The following NPAS3 variants were observed in gnomAD, a reference collection of about 807,000 sequenced individuals.
The protein encoded by NPAS3 is neuronal PAS domain protein 3.
Under a neutral mutation model 73.1 loss-of-function variants are expected in NPAS3, and 14 were observed. The ratio of observed to expected loss-of-function variants is 0.19; its 90% confidence interval spans 0.13 to 0.30. The LOEUF (loss-of-function observed/expected upper bound fraction) is 0.30, where lower values mean the gene tolerates loss of function less well. NPAS3 is among the 10% of genes least tolerant of loss of function. The probability of loss-of-function intolerance (pLI) is 1.00; values close to 1 mark genes in which losing one functional copy is unlikely to be tolerated. For missense variants in NPAS3, 1,096 were observed against 1,250.0 expected, an observed-to-expected ratio of 0.88 and a Z score of 1.86; for synonymous variants, 620 against 541.5, an observed-to-expected ratio of 1.14 and a Z score of -2.01.
intron 6 of NPAS3, chr14:33,680,828 A>T: frequency 1.8e-6 from 1 of 570,306 alleles, no homozygotes; most frequent in Non-Finnish European, 3.1e-6. Context: ...CTACAGCTGC[A>T]TGGCTAACCC....
At chr14:32,970,390 C>G (rs1318435949) in intron 1 of NPAS3, among the ~76,000 whole-genome samples, 2 of 152,094 alleles carry the variant, frequency 1.3e-5, no homozygotes, top group Non-Finnish European at 1.5e-5. Flanking sequence ...TTGCACAGTT[C>G]CATGGTTTTC....
intron 7 of NPAS3, among the ~76,000 whole-genome samples, chr14:33,751,804 G>A (rs1286775457): frequency 2.6e-5 from 4 of 152,150 alleles, no homozygotes; most frequent in African/African-American, 4.8e-5. Flanking sequence ...AGTGTTGTCT[G>A]AGTACCCAAT....
chr14:33,373,786 A>G (rs2046198930), intron 4 of NPAS3, among the ~76,000 whole-genome samples: 1 of 152,126 alleles, frequency 6.6e-6, no homozygotes, highest in African/African-American at 2.4e-5. Context: ...AGAACATTCA[A>G]ACCCAAACCT....
At chr14:33,007,967 ATTAAC>A (rs1212023326) in intron 1 of NPAS3, among the ~76,000 whole-genome samples, 1 of 152,252 alleles carries the variant, frequency 6.6e-6, no homozygotes, top group Non-Finnish European at 1.5e-5. Flanking sequence ...TAAATTCAAT[ATTAAC>A]TTAGAGGAAA....
At chr14:33,355,544 T>TGCCTCG (rs2045301049) in intron 3 of NPAS3, among the ~76,000 whole-genome samples, 1 of 152,178 alleles carries the variant, frequency 6.6e-6, no homozygotes. Context: ...ATGATCCGCC[T>TGCCTCG]GCCTCGGCCT....
At chr14:33,129,382 A>G (rs924252286) in intron 2 of NPAS3, among the ~76,000 whole-genome samples, 1 of 152,164 alleles carries the variant, frequency 6.6e-6, no homozygotes, top group Non-Finnish European at 1.5e-5. Context: ...ACATGTGAAT[A>G]TTGATAGCAT....
intron 3 of NPAS3, among the ~76,000 whole-genome samples, chr14:33,322,617 T>C (rs2043506206): frequency 2.0e-5 from 3 of 152,128 alleles, no homozygotes; most frequent in African/African-American, 4.8e-5. Context: ...TTGCTAAATG[T>C]TTATTTTTTT....
At chr14:33,764,505 T>C (rs988610885) in intron 7 of NPAS3, among the ~76,000 whole-genome samples, 7 of 152,256 alleles carry the variant, frequency 4.6e-5, no homozygotes, top group African/African-American at 1.7e-4. Flanking sequence ...ATCAATGTAG[T>C]ACAGTACTTC....
At chr14:33,481,674 G>GA (rs756402330) in intron 4 of NPAS3, among the ~76,000 whole-genome samples, 7 of 151,926 alleles carry the variant, frequency 4.6e-5, no homozygotes, top group East Asian at 3.9e-4. Flanking sequence ...AAGAATCTCT[G>GA]AAAAAATATC....
chr14:33,222,402 C>T (rs776927135), intron 3 of NPAS3, among the ~76,000 whole-genome samples: 2 of 152,202 alleles, frequency 1.3e-5, no homozygotes, highest in Non-Finnish European at 2.9e-5. Context: ...TGCCATACTT[C>T]ACAGTATCAC....
At chr14:33,243,264 G>C (rs540756118) in intron 3 of NPAS3, among the ~76,000 whole-genome samples, 1 of 152,210 alleles carries the variant, frequency 6.6e-6, no homozygotes, top group South Asian at 2.1e-4. Flanking sequence ...AGTTTCTGGA[G>C]AGAATAATGC....
intron 5 of NPAS3, among the ~76,000 whole-genome samples, chr14:33,598,335 C>A (rs1595242907): frequency 6.6e-6 from 1 of 152,204 alleles, no homozygotes; most frequent in Admixed American, 6.5e-5. Context: ...CTTCAGCCTA[C>A]TAAGTATGTC....
intron 9 of NPAS3, among the ~76,000 whole-genome samples, chr14:33,787,804 G>A (rs1484234116): frequency 6.6e-6 from 1 of 152,152 alleles, no homozygotes; most frequent in Non-Finnish European, 1.5e-5. Context: ...TGTTTCTCCT[G>A]TGGGTTTTGA....
chr14:33,502,898 T>A lies in NPAS3; in HGVS notation c.469-57223T>A, dbSNP rs76520586. Reference sequence around the variant, plus strand: ...TTGGGTCTTGCTTGAAGTAAGAACATTTCATTCAGTGATTTATGGAAACTT... The same window carrying A: ...TTGGGTCTTGCTTGAAGTAAGAACAATTCATTCAGTGATTTATGGAAACTT... On this transcript the variant is annotated intron_variant, in intron 4 of 11. Coordinates refer to ENST00000356141, the Ensembl canonical transcript of NPAS3. Among the ~76,000 whole-genome samples, 1,084 of 152,094 alleles carry A rather than the reference T, an allele frequency of 7.1e-3. 10 individuals are homozygous for A. Among genetic ancestry groups the A allele is most frequent in the African/African-American group, 0.025 (1,025 of 41,528 alleles).
intron 5 of NPAS3, among the ~76,000 whole-genome samples, chr14:33,601,410 G>A (rs373804644): frequency 2.8e-4 from 43 of 152,304 alleles, no homozygotes; most frequent in African/African-American, 1.0e-3. Flanking sequence ...TCAAAATTTA[G>A]CTTTGCAAGG....
At chr14:33,643,972 A>G (rs1190074361) in intron 5 of NPAS3, among the ~76,000 whole-genome samples, 5 of 152,048 alleles carry the variant, frequency 3.3e-5, no homozygotes, top group Admixed American at 1.3e-4. Flanking sequence ...GCTTTATTTA[A>G]TTTCCACTCG....
At chr14:33,349,933 G>A (rs774602517) in intron 3 of NPAS3, among the ~76,000 whole-genome samples, 6 of 152,134 alleles carry the variant, frequency 3.9e-5, no homozygotes, top group Non-Finnish European at 8.8e-5. Flanking sequence ...CTCCCACTTC[G>A]GTACAGAAAT....
At chr14:33,709,739 A>C (rs1029886038) in intron 6 of NPAS3, among the ~76,000 whole-genome samples, 13 of 152,214 alleles carry the variant, frequency 8.5e-5, no homozygotes, top group African/African-American at 3.1e-4. Flanking sequence ...GCCCAACTTC[A>C]CCATGGCTGT....
chr14:33,626,104 G>A lies in NPAS3; in HGVS notation c.559-50107G>A, dbSNP rs114190617. 4.1e-3 allele frequency among the ~76,000 whole-genome samples: 630 copies of A among 152,270 alleles called. 4 individuals are homozygous for A. Among genetic ancestry groups the A allele is most frequent in the African/African-American group, 0.014 (599 of 41,558 alleles). ...ACCCCTTCCCTCTTTGCGTGTATAC[G>A]TTTATGTCAGGATCTTTCTGGCAGT... On this transcript the variant is annotated intron_variant, in intron 5 of 11. Coordinates refer to ENST00000356141, the Ensembl canonical transcript of NPAS3.
Sources: gnomAD v4.1 joint callset for allele counts (sites outside exome capture counted in the v4.1 genomes callset) on GRCh38, gnomAD v4.1.1 for gene constraint, MANE v1.5 for transcripts, NCBI Gene and HGNC (gene_info 2026-07-23, HGNC 2026-07-21) for gene names.